The following GLI3 variants were observed in gnomAD, a reference collection of about 807,000 sequenced individuals.
GLI3 encodes the protein GLI family zinc finger 3, also known as transcription activator GLI3.
A neutral mutation model predicts 100.8 loss-of-function variants in GLI3; 20 were observed. That is an observed-to-expected ratio of 0.20 (90% CI 0.14 to 0.29). The LOEUF (loss-of-function observed/expected upper bound fraction) is 0.29, where lower values mean the gene tolerates loss of function less well. Among genes scored for constraint, GLI3 ranks in the 10% least tolerant of loss-of-function variants. The pLI is 1.00. For synonymous variants in GLI3, 938 were observed against 860.5 expected (o/e 1.09, Z -1.58); for missense variants, 2,040 against 2,128.5 (o/e 0.96, Z 0.82).
chr7:42,121,399 A>G (rs1265573567), intron 3 of GLI3, among the ~76,000 whole-genome samples: 1 of 152,238 alleles, frequency 6.6e-6, no homozygotes, highest in African/African-American at 2.4e-5. Context: ...TGGTCTAGAA[A>G]GCAAATAGGC....
intron 12 of GLI3, among the ~76,000 whole-genome samples, chr7:41,975,305 A>G (rs543613425): frequency 2.0e-5 from 3 of 152,240 alleles, no homozygotes; most frequent in Non-Finnish European, 4.4e-5. Context: ...TATTTGTTCA[A>G]TGAATAAATG....
chr7:41,973,346 G>A (rs907071287), intron 12 of GLI3, among the ~76,000 whole-genome samples: 3 of 152,156 alleles, frequency 2.0e-5, no homozygotes, highest in Admixed American at 2.0e-4. Context: ...CTGGGGACCA[G>A]GATTTCTGGT....
At chr7:42,143,205 C>A (rs1003673618) in intron 3 of GLI3, among the ~76,000 whole-genome samples, 3 of 152,138 alleles carry the variant, frequency 2.0e-5, no homozygotes, top group African/African-American at 7.2e-5. Context: ...AGGGTGTGAC[C>A]CAACATCAGT....
intron 3 of GLI3, chr7:42,118,323 C>T: frequency 2.5e-6 from 1 of 398,574 alleles, no homozygotes; most frequent in Non-Finnish European, 4.4e-6. Flanking sequence ...CTGAATTCTC[C>T]ACAGCAGATC....
intron 2 of GLI3, among the ~76,000 whole-genome samples, chr7:42,156,096 A>G (rs1035861083): frequency 6.6e-6 from 1 of 152,212 alleles, no homozygotes; most frequent in Non-Finnish European, 1.5e-5. Flanking sequence ...GGTACTAACC[A>G]TCTTTCAAAG....
chr7:42,141,262 T>C (rs1786561147), intron 3 of GLI3, among the ~76,000 whole-genome samples: 1 of 152,256 alleles, frequency 6.6e-6, no homozygotes, highest in African/African-American at 2.4e-5. Flanking sequence ...ACTTGTTCGA[T>C]GCCAGATGGG....
chr7:42,156,411 C>T (rs542643702), intron 2 of GLI3, among the ~76,000 whole-genome samples: 1 of 152,304 alleles, frequency 6.6e-6, no homozygotes, highest in South Asian at 2.1e-4. Flanking sequence ...CTTGGTAGCA[C>T]ATTTATGACT....
intron 7 of GLI3, among the ~76,000 whole-genome samples, chr7:42,036,333 A>G (rs1283280295): frequency 6.6e-6 from 1 of 152,218 alleles, no homozygotes; most frequent in Non-Finnish European, 1.5e-5. Flanking sequence ...GATGATGAGA[A>G]TTCTAATTAC....
intron 2 of GLI3, among the ~76,000 whole-genome samples, chr7:42,219,803 T>C (rs1788447795): frequency 1.3e-5 from 2 of 151,938 alleles, no homozygotes; most frequent in East Asian, 1.9e-4. Flanking sequence ...AAATGGTGGA[T>C]AGGAGAGAAA....
chr7:42,251,358 T>G, intron 1 of GLI3, among the ~76,000 whole-genome samples: 1 of 152,214 alleles, frequency 6.6e-6, no homozygotes, highest in East Asian at 1.9e-4. Context: ...CCAATAGGGT[T>G]CTTGCTCTGG....
At chr7:42,052,453 T>C (rs979021062) in intron 4 of GLI3, among the ~76,000 whole-genome samples, 20 of 152,226 alleles carry the variant, frequency 1.3e-4, no homozygotes, top group African/African-American at 4.8e-4. Flanking sequence ...AGTAATTAAA[T>C]GCAAGGGCTT....
intron 10 of GLI3, among the ~76,000 whole-genome samples, chr7:41,996,145 CTAAATGCCTT>C (rs1475535236): frequency 6.6e-6 from 1 of 152,158 alleles, no homozygotes; most frequent in Admixed American, 6.5e-5. Context: ...TTTTTGGTGG[CTAAATGCCTT>C]TAAACTGTAT....
chr7:42,154,605 CCT>C (rs1393516591), intron 2 of GLI3, among the ~76,000 whole-genome samples: 1 of 152,186 alleles, frequency 6.6e-6, no homozygotes, highest in Non-Finnish European at 1.5e-5. Context: ...GTCCTCGCTC[CCT>C]GTTTCAGAAT....
At chr7:42,175,641 T>C (rs1787464905) in intron 2 of GLI3, among the ~76,000 whole-genome samples, 1 of 150,498 alleles carries the variant, frequency 6.6e-6, no homozygotes, top group South Asian at 2.1e-4. Flanking sequence ...GAAATGACAG[T>C]AGTCTCTCTT....
At chr7:42,042,255 C>T (rs750935510) in intron 6 of GLI3, among the ~76,000 whole-genome samples, 6 of 152,064 alleles carry the variant, frequency 3.9e-5, no homozygotes, top group Non-Finnish European at 8.8e-5. Flanking sequence ...ACCTTGTGAT[C>T]CGCCAGTCTC....
chr7:42,192,038 A>AG lies in GLI3; in HGVS notation c.124+31091dup, dbSNP rs375502444. ...AAAAAATTTAAACTTCTACAATCAC[A>AG]GAAAAAAAAAATCCTATTTGAACAG... On this transcript the variant is annotated intron_variant, in intron 2 of 14. Transcript: ENST00000395925. Among the ~76,000 whole-genome samples the AG allele has an allele frequency of 3.6e-5, 5 of 137,050 alleles. No individual in the cohort carries two copies. The East Asian group carries it at 9.6e-4, about 26-fold the overall frequency. 89.9% of individuals were successfully genotyped at this position (137,050 alleles called of 152,430 possible). A position where few individuals can be genotyped will look rare whatever the true frequency, so the allele number is the denominator to read the frequency against.
At chr7:42,121,048 C>A (rs1480618243) in intron 3 of GLI3, among the ~76,000 whole-genome samples, 3 of 152,216 alleles carry the variant, frequency 2.0e-5, no homozygotes, top group African/African-American at 7.2e-5. Flanking sequence ...CCTGTGCCAT[C>A]AGCTACTTTG....
chr7:42,090,037 T>G (rs1048967349), intron 3 of GLI3, among the ~76,000 whole-genome samples: 1 of 152,198 alleles, frequency 6.6e-6, no homozygotes, highest in African/African-American at 2.4e-5. Context: ...CATGTCCCCA[T>G]ACTGAATCCT....
intron 4 of GLI3, among the ~76,000 whole-genome samples, chr7:42,061,773 T>G (rs564406124): frequency 1.3e-5 from 2 of 152,264 alleles, no homozygotes; most frequent in East Asian, 1.9e-4. Flanking sequence ...GTAGAGTGTA[T>G]GTAGTGATGG....
Sources: gnomAD v4.1 joint callset for allele counts (sites outside exome capture counted in the v4.1 genomes callset) on GRCh38, gnomAD v4.1.1 for gene constraint, MANE v1.5 for transcripts, NCBI Gene and HGNC (gene_info 2026-07-23, HGNC 2026-07-21) for gene names.